The following CDS2 variants were observed in gnomAD, a reference collection of about 807,000 sequenced individuals.
The protein encoded by CDS2 is CDP-diacylglycerol synthase 2.
In CDS2, 47 loss-of-function variants were observed where a neutral mutation model predicts 59.0. That is an observed-to-expected ratio of 0.80 (90% confidence interval 0.63 to 1.02). The LOEUF (loss-of-function observed/expected upper bound fraction) is 1.02. Ranked by LOEUF, CDS2 falls within the 50% of genes least tolerant of loss-of-function variation. The pLI is 0.00. For missense variants in CDS2, 356 were observed against 558.9 expected (o/e 0.64, Z 3.66); for synonymous variants, 207 against 206.4 (o/e 1.00, Z -0.02).
At chr20:5,166,277 A>G (rs962995465) in intron 1 of CDS2, among the ~76,000 whole-genome samples, 12 of 152,182 alleles carry the variant, frequency 7.9e-5, no homozygotes, top group Admixed American at 3.3e-4. Flanking sequence ...CAAGCTGAGA[A>G]AGGAGCCACT....
chr20:5,163,547 C>T (rs2090891176), intron 1 of CDS2, among the ~76,000 whole-genome samples: 1 of 151,666 alleles, frequency 6.6e-6, no homozygotes, highest in Non-Finnish European at 1.5e-5. Flanking sequence ...AGGCGTGAGC[C>T]ACTGCGCCTG....
rs191346480 is a variant in CDS2 at position 5,163,522 on chromosome 20, A to G, written c.58-10001A>G. 6.8e-4 allele frequency among the ~76,000 whole-genome samples: 103 copies of G among 151,690 alleles called. 1 individual carries two copies. The East Asian group carries it at 0.017, about 25-fold the overall frequency. Reference sequence around the variant, plus strand: ...GTGATCCACCCGCCTCGGCCTCCCAAAGTGCTAGGATTATAGGCGTGAGCC... The same window carrying G: ...GTGATCCACCCGCCTCGGCCTCCCAGAGTGCTAGGATTATAGGCGTGAGCC... On this transcript the variant is annotated intron_variant, in intron 1 of 12. Coordinates refer to ENST00000460006, the MANE Select transcript of CDS2 (RefSeq NM_003818.4).
rs772852756 is a variant in CDS2 at position 5,176,701 on chromosome 20, C to T, written c.345C>T (p.Asn115=). 9 of 1,613,934 alleles carry T rather than the reference C, an allele frequency of 5.6e-6. No individual in the cohort carries two copies. In the African/African-American group the frequency reaches 8.0e-5, roughly 14 times the overall value. ...CFHEIITIGY[N]VYHSYDLPWF... is the part of the protein sequence containing the mutation. ...ATGAGATAATCACTATTGGCTACAACGTCTACCACTCATATGATCTGCCCT... is the reference window on the plus strand; with the variant it reads ...ATGAGATAATCACTATTGGCTACAATGTCTACCACTCATATGATCTGCCCT... Residue 115 remains asparagine (N), a synonymous_variant, in exon 4 of 13, where the codon AAC becomes AAT. Transcript: ENST00000460006.
rs1020755290 is a variant in CDS2, at chr20:5,195,464, C to T, written c.*5230C>T. ...ATGGCTGGCCTGAGAATCCAGCTCA[C>T]CTCCTCTGCCCACAGTCTGGACTGC... is the stretch of plus-strand genomic sequence containing the variant. On this transcript the variant is annotated 3_prime_UTR_variant, in exon 13 of 13. Coordinates refer to ENST00000460006, the MANE Select transcript of CDS2 (RefSeq NM_003818.4). 2 of 152,262 alleles carry T rather than the reference C, an allele frequency of 1.3e-5. No individual in the cohort carries two copies. The highest frequency in any genetic ancestry group is 4.8e-5 in the African/African-American group (2 of 41,428). 9.4% of individuals were successfully genotyped at this position (152,262 alleles called of 1,614,324 possible). A position where few individuals can be genotyped will look rare whatever the true frequency, so the allele number is the denominator to read the frequency against.
intron 1 of CDS2, among the ~76,000 whole-genome samples, chr20:5,134,821 G>A (rs2090635667): frequency 6.6e-6 from 1 of 152,024 alleles, no homozygotes; most frequent in Non-Finnish European, 1.5e-5. Flanking sequence ...GTACCCAGCC[G>A]ACTGCATATT....
intron 1 of CDS2, among the ~76,000 whole-genome samples, chr20:5,134,658 T>C (rs1406295077): frequency 6.6e-6 from 1 of 152,018 alleles, no homozygotes; most frequent in Non-Finnish European, 1.5e-5. Context: ...GTAGCTGGGA[T>C]TACAGGCGCC....
At chr20:5,169,068 C>G (rs2090935608) in intron 1 of CDS2, among the ~76,000 whole-genome samples, 1 of 152,194 alleles carries the variant, frequency 6.6e-6, no homozygotes, top group South Asian at 2.1e-4. Flanking sequence ...AAGGGGTGGA[C>G]CCTCAGAGGA....
chr20:5,175,613 C>T lies in CDS2; in HGVS notation c.291+334C>T, dbSNP rs13040042. On this transcript the variant is annotated intron_variant, in intron 3 of 12. Transcript: ENST00000460006. ...CCAGCCTGACCAACATGGTGAAACCCTGTCTCTACTAAAAATACAAAAATT... is the reference window on the plus strand; with the variant it reads ...CCAGCCTGACCAACATGGTGAAACCTTGTCTCTACTAAAAATACAAAAATT... 1.3e-4 allele frequency: 15 copies of T among 111,328 alleles called. No individual in the cohort carries two copies. The East Asian group carries it at 3.2e-3, about 24-fold the overall frequency. 6.9% of individuals were successfully genotyped at this position (111,328 alleles called of 1,614,324 possible). A position where few individuals can be genotyped will look rare whatever the true frequency, so the allele number is the denominator to read the frequency against.
At chr20:5,130,050 G>A (rs958649556) in intron 1 of CDS2, among the ~76,000 whole-genome samples, 3 of 151,994 alleles carry the variant, frequency 2.0e-5, no homozygotes, top group Non-Finnish European at 4.4e-5. Flanking sequence ...TCGGCTCACT[G>A]CAACCTCCAC....
intron 6 of CDS2, among the ~76,000 whole-genome samples, chr20:5,182,847 A>G (rs2091041185): frequency 1.3e-5 from 2 of 152,262 alleles, no homozygotes; most frequent in Admixed American, 1.3e-4. Flanking sequence ...CCAGGCTTTC[A>G]GAGCATGGGA....
rs2090663231 is a variant in CDS2, at chr20:5,138,115, A to C, written c.57+10966A>C. Among the ~76,000 whole-genome samples, 3 of 125,406 alleles carry C rather than the reference A, an allele frequency of 2.4e-5. No homozygotes were observed. In the South Asian group the frequency reaches 9.2e-4, roughly 39 times the overall value. The allele number at this position is 125,406 out of a possible 152,430, so 82.3% of individuals were successfully genotyped here. ...CCTGGCCACATTTATCATTTCTTTA[A>C]ATTTTTTTTTTTTTTTTGTAGAAAC... On this transcript the variant is annotated intron_variant, in intron 1 of 12. Transcript: ENST00000460006.
At position 5,193,396 on chromosome 20, in the gene CDS2, C is replaced by T. The variant is rs182595893; in HGVS notation, c.*3162C>T. ...ATCTCTTTCATTGGGGAGGATACAA[C>T]TTTTGACTTTACACAGGTGGACTTT... is the stretch of plus-strand genomic sequence containing the variant. On this transcript the variant is annotated 3_prime_UTR_variant, in exon 13 of 13. Coordinates refer to ENST00000460006, the MANE Select transcript of CDS2 (RefSeq NM_003818.4). 1 of 152,308 alleles carries T rather than the reference C, an allele frequency of 6.6e-6. No individual in the cohort carries two copies. The highest frequency in any genetic ancestry group is 1.9e-4 in the East Asian group (1 of 5,184). 9.4% of individuals were successfully genotyped at this position (152,308 alleles called of 1,614,324 possible).
In CDS2 at chr20:5,136,124, G is replaced by A. The variant is rs188900622; in HGVS notation, c.57+8975G>A. On this transcript the variant is annotated intron_variant, in intron 1 of 12. Coordinates refer to ENST00000460006, the MANE Select transcript of CDS2 (RefSeq NM_003818.4). The stretch of plus-strand genomic sequence containing the variant: ...GGAGAGGATGTCTGCCATTGACACC[G>A]AACCCCTGAGTGGGCAACTCTCAGA... Among the ~76,000 whole-genome samples the A allele has an allele frequency of 1.6e-4, 24 of 152,204 alleles. No homozygotes were observed. The East Asian group carries it at 2.7e-3, about 17-fold the overall frequency.
chr20:5,181,563 A>G (rs1289902814), intron 5 of CDS2, among the ~76,000 whole-genome samples: 1 of 152,252 alleles, frequency 6.6e-6, no homozygotes, highest in East Asian at 1.9e-4. Context: ...AGTTCCAAAC[A>G]GTAAATATTT....
intron 1 of CDS2, among the ~76,000 whole-genome samples, chr20:5,173,006 C>T (rs770928765): frequency 4.7e-4 from 71 of 152,126 alleles, no homozygotes; most frequent in Non-Finnish European, 8.8e-4. Context: ...CTGTCTGGTT[C>T]GTTGTCCACA....
At chr20:5,142,461 A>C (rs1381711864) in intron 1 of CDS2, among the ~76,000 whole-genome samples, 1 of 151,986 alleles carries the variant, frequency 6.6e-6, no homozygotes, top group East Asian at 1.9e-4. Context: ...AAAAAACTTA[A>C]GGCATATTAA....
chr20:5,197,105 A>G lies in CDS2; in HGVS notation c.*6871A>G, dbSNP rs1423163851. 6.6e-6 allele frequency: 1 copy of G among 152,178 alleles called. No homozygotes were observed. Among genetic ancestry groups the G allele is most frequent in the African/African-American group, 2.4e-5 (1 of 41,432 alleles). 9.4% of individuals were successfully genotyped at this position (152,178 alleles called of 1,614,324 possible). On this transcript the variant is annotated 3_prime_UTR_variant, in exon 13 of 13. Transcript: ENST00000460006. The stretch of plus-strand genomic sequence containing the variant: ...AACCCGTCCAGGGAGATTTGAAGCC[A>G]TGGGTTATCTTCTAGAGTTGATACT...
chr20:5,143,369 C>G (rs2090711252), intron 1 of CDS2, among the ~76,000 whole-genome samples: 1 of 152,172 alleles, frequency 6.6e-6, no homozygotes, highest in South Asian at 2.1e-4. Flanking sequence ...TTCTGGAAAA[C>G]TGCTTGACAA....
At chr20:5,129,062 T>G (rs1051859048) in intron 1 of CDS2, among the ~76,000 whole-genome samples, 6 of 152,186 alleles carry the variant, frequency 3.9e-5, no homozygotes, top group African/African-American at 1.4e-4. Context: ...TGGGAGGACC[T>G]GAGGAGCTGT....
Sources: gnomAD v4.1 joint callset for allele counts (sites outside exome capture counted in the v4.1 genomes callset) on GRCh38, gnomAD v4.1.1 for gene constraint, MANE v1.5 for transcripts, NCBI Gene and HGNC (gene_info 2026-07-23, HGNC 2026-07-21) for gene names.